CYP4X1: variants seen among roughly 807,000 people sequenced by gnomAD.
CYP4X1 encodes cytochrome P450 4X1.
Under a neutral mutation model 57.9 loss-of-function variants are expected in CYP4X1, and 44 were observed. The ratio of observed to expected loss-of-function variants is 0.76; its 90% CI spans 0.60 to 0.98. The LOEUF is 0.98. Among genes scored for constraint, CYP4X1 ranks in the 50% least tolerant of loss-of-function variants. CYP4X1 has a pLI of 0.00. For synonymous variants in CYP4X1, 227 were observed against 228.6 expected (o/e 0.99, Z 0.06); for missense variants, 532 against 623.9 (o/e 0.85, Z 1.57).
the CYP4X1 span, among the ~76,000 whole-genome samples, chr1:46,998,089 C>A: frequency 6.6e-6 from 1 of 151,836 alleles, no homozygotes; most frequent in Non-Finnish European, 1.5e-5. Flanking sequence ...GGAGCTAATA[C>A]AGTTTTGATT....
chr1:47,047,134 T>G (rs533717069), intron 9 of CYP4X1, among the ~76,000 whole-genome samples: 1 of 152,338 alleles, frequency 6.6e-6, no homozygotes, highest in Admixed American at 6.5e-5. Flanking sequence ...TTAAGTACTT[T>G]CAATGTGGCC....
chr1:46,977,574 T>A, the CYP4X1 span, among the ~76,000 whole-genome samples: 2 of 152,094 alleles, frequency 1.3e-5, no homozygotes, highest in South Asian at 4.2e-4. Context: ...GTAGGAGAAC[T>A]TCCCCAACCT....
chr1:47,017,289 T>C, the CYP4X1 span, among the ~76,000 whole-genome samples: 180 of 152,312 alleles, frequency 1.2e-3, no homozygotes, highest in Non-Finnish European at 2.1e-3. Flanking sequence ...ACCATTCTCC[T>C]AGAATTTCTG....
intron 4 of CYP4X1, among the ~76,000 whole-genome samples, chr1:47,034,173 A>T (rs1644154347): frequency 6.6e-6 from 1 of 152,222 alleles, no homozygotes. Flanking sequence ...TATTCGAGGC[A>T]GAGTGAGGGA....
chr1:46,974,934 T>C, the CYP4X1 span, among the ~76,000 whole-genome samples: 1 of 152,234 alleles, frequency 6.6e-6, no homozygotes, highest in South Asian at 2.1e-4. Flanking sequence ...TTAATATTTA[T>C]GGGTAGATAG....
At chr1:46,989,699 A>G in the CYP4X1 span, among the ~76,000 whole-genome samples, 1 of 152,244 alleles carries the variant, frequency 6.6e-6, no homozygotes, top group African/African-American at 2.4e-5. Flanking sequence ...GTACCAAAAC[A>G]GATATATAGA....
At chr1:47,031,572 A>G in intron 3 of CYP4X1, 92 bp downstream of exon 3, 1 of 1,440,808 alleles carries the variant, frequency 6.9e-7, no homozygotes, top group Non-Finnish European at 9.7e-7. Context: ...ATCTGAATTC[A>G]AAAGCACAAA....
chr1:47,010,955 T>A, the CYP4X1 span, among the ~76,000 whole-genome samples: 1 of 152,194 alleles, frequency 6.6e-6, no homozygotes, highest in Non-Finnish European at 1.5e-5. Flanking sequence ...GTAGGAAGAA[T>A]CAATATCGTG....
chr1:47,013,639 GTTAA>G, the CYP4X1 span, among the ~76,000 whole-genome samples: 11 of 151,592 alleles, frequency 7.3e-5, no homozygotes, highest in African/African-American at 1.7e-4. Flanking sequence ...TATTGAGTAA[GTTAA>G]TTGTTTAACT....
intron 4 of CYP4X1, among the ~76,000 whole-genome samples, chr1:47,034,654 A>G (rs528085913): frequency 1.4e-4 from 22 of 152,172 alleles, no homozygotes; most frequent in Non-Finnish European, 2.9e-4. Context: ...GTGAGTTCTC[A>G]AGGCAGAGAC....
chr1:46,967,872 G>A, the CYP4X1 span: 2 of 990,480 alleles, frequency 2.0e-6, no homozygotes, highest in Non-Finnish European at 2.8e-6. Flanking sequence ...TGCAGGTCCT[G>A]AGCCAGGCAG....
intron 9 of CYP4X1, among the ~76,000 whole-genome samples, chr1:47,047,678 T>C (rs1042015525): frequency 6.6e-6 from 1 of 152,180 alleles, no homozygotes; most frequent in African/African-American, 2.4e-5. Flanking sequence ...CTCGGCTCAC[T>C]GCAACCTCTG....
At chr1:46,981,263 A>G in the CYP4X1 span, among the ~76,000 whole-genome samples, 1 of 152,052 alleles carries the variant, frequency 6.6e-6, no homozygotes, top group Non-Finnish European at 1.5e-5. Flanking sequence ...AGAATCTACA[A>G]AGAACATAAA....
Position 47,023,981 on chromosome 1 carries a change from T to C in CYP4X1, c.164T>C (p.Leu55Pro), listed in dbSNP as rs1283138120. The change falls in exon 1 of 12, where the codon CTT becomes CCT. Residue 55 changes from leucine to proline, a missense_variant. Physicochemically the swap from Leu to Pro is moderately conservative, Grantham distance 98. Coordinates refer to ENST00000371901, the MANE Select transcript of CYP4X1 (RefSeq NM_178033.2). The stretch of plus-strand genomic sequence containing the variant: ...CCAGCGCCCCCCACCCACTGGTTCC[T>C]TGGGCACCAGAAGGTAGATGGGAGG... ...PFPAPPTHWF[L>P]GHQKFIQDDN... The C allele has an allele frequency of 1.2e-6, 2 of 1,612,396 alleles. No individual in the cohort carries two copies. The highest frequency in any genetic ancestry group is 8.5e-7 in the Non-Finnish European group (1 of 1,179,630).
downstream of CYP4X1, among the ~76,000 whole-genome samples, chr1:47,052,397 C>G (rs1198008882): frequency 2.6e-5 from 4 of 152,232 alleles, no homozygotes; most frequent in East Asian, 7.7e-4. Flanking sequence ...TTTATACCAA[C>G]TGTGCCAAAA....
chr1:47,018,370 A>G, the CYP4X1 span, among the ~76,000 whole-genome samples: 1 of 152,166 alleles, frequency 6.6e-6, no homozygotes, highest in South Asian at 2.1e-4. Flanking sequence ...TAACTTAACC[A>G]TTCAGTCAGT....
At chr1:47,018,463 T>C in the CYP4X1 span, among the ~76,000 whole-genome samples, 1 of 152,198 alleles carries the variant, frequency 6.6e-6, no homozygotes, top group Non-Finnish European at 1.5e-5. Context: ...ATGATTTCTG[T>C]CATGCTTGTA....
chr1:46,981,199 T>G, the CYP4X1 span, among the ~76,000 whole-genome samples: 38 of 152,140 alleles, frequency 2.5e-4, no homozygotes, highest in Admixed American at 2.5e-3. Context: ...ACAGGCCACC[T>G]ACAGAATGGG....
the CYP4X1 span, among the ~76,000 whole-genome samples, chr1:46,989,299 A>G: frequency 1.3e-5 from 2 of 152,196 alleles, no homozygotes; most frequent in African/African-American, 4.8e-5. Context: ...CACATTCACA[A>G]TTGCCACAGA....
Sources: allele counts gnomAD v4.1 joint callset (sites outside exome capture counted in the v4.1 genomes callset), GRCh38; gene constraint gnomAD v4.1.1; transcripts MANE v1.5; gene names NCBI Gene and HGNC (gene_info 2026-07-23, HGNC 2026-07-21).